The following CDH1 variants were observed in gnomAD, a reference collection of about 807,000 sequenced individuals.
CDH1 encodes the protein cadherin 1.
Under a neutral mutation model 84.5 loss-of-function variants are expected in CDH1, and 35 were observed. The ratio of observed to expected loss-of-function variants is 0.41; its 90% confidence interval spans 0.32 to 0.55. The LOEUF (loss-of-function observed/expected upper bound fraction) is 0.55. CDH1 is among the 20% of genes least tolerant of loss of function. CDH1 has a pLI of 0.19. For synonymous variants in CDH1, 417 were observed against 439.0 expected, an observed-to-expected ratio of 0.95 and a Z score of 0.63; for missense variants, 994 against 1,126.6, an observed-to-expected ratio of 0.88 and a Z score of 1.68.
At chr16:68,772,804 G>T (rs935476259) in intron 2 of CDH1, among the ~76,000 whole-genome samples, 3 of 152,018 alleles carry the variant, frequency 2.0e-5, no homozygotes, top group African/African-American at 7.2e-5. Flanking sequence ...AAATTACCTG[G>T]GGGTCCCAGC....
chr16:68,775,412 C>G (rs1392429941), intron 2 of CDH1, among the ~76,000 whole-genome samples: 1 of 152,146 alleles, frequency 6.6e-6, no homozygotes, highest in Non-Finnish European at 1.5e-5. Context: ...TACAAACTCT[C>G]ACATGCAAGT....
chr16:68,815,307 G>C (rs1960951408), intron 9 of CDH1, among the ~76,000 whole-genome samples: 1 of 152,094 alleles, frequency 6.6e-6, no homozygotes. Flanking sequence ...AATAGCCCCA[G>C]CTTTGCCTTC....
chr16:68,819,507 A>G, intron 11 of CDH1, 82 bp downstream of exon 11: 10 of 1,366,880 alleles, frequency 7.3e-6, no homozygotes, highest in Non-Finnish European at 1.0e-5. Context: ...TTTGGAGGGA[A>G]GAGTTCATTC....
rs1060501244 is a variant in CDH1, at chr16:68,828,204, G to A, written c.2195G>A (p.Arg732Gln). Residue 732 changes from arginine (R) to glutamine (Q), a missense_variant, in exon 14 of 16, where the codon CGG becomes CAG. Physicochemically the swap from Arg to Gln is conservative, Grantham distance 43. This residue lies in a region of CDH1 where 769 missense variants were observed against 881.8 expected (regional missense o/e 0.87). Coordinates refer to ENST00000261769, the MANE Select transcript of CDH1 (RefSeq NM_004360.5). ...ATTCTGCTGCTCTTGCTGTTTCTTCGGAGGAGAGCGGTGGTCAAAGAGCCC... is the reference window on the plus strand; with the variant it reads ...ATTCTGCTGCTCTTGCTGTTTCTTCAGAGGAGAGCGGTGGTCAAAGAGCCC... ...ILILLLLLFL[R>Q]RRAVVKEPLL... The A allele has an allele frequency of 1.9e-6, 3 of 1,613,930 alleles. No homozygotes were observed. Among genetic ancestry groups the A allele is most frequent in the South Asian group, 2.2e-5 (2 of 91,066 alleles).
intron 2 of CDH1, among the ~76,000 whole-genome samples, chr16:68,752,541 T>C (rs1012334876): frequency 7.4e-6 from 1 of 134,882 alleles, no homozygotes. Context: ...GTGTATTTAA[T>C]ACAGACAGGA....
At chr16:68,774,427 G>A (rs1959672995) in intron 2 of CDH1, among the ~76,000 whole-genome samples, 2 of 152,130 alleles carry the variant, frequency 1.3e-5, no homozygotes, top group African/African-American at 4.8e-5. Context: ...GGCCAAGATA[G>A]GATAATTGCT....
At chr16:68,798,115 G>A (rs1960411850) in intron 2 of CDH1, among the ~76,000 whole-genome samples, 1 of 152,046 alleles carries the variant, frequency 6.6e-6, no homozygotes, top group South Asian at 2.1e-4. Flanking sequence ...GAGATGGCCA[G>A]TAGTGGGGAG....
At chr16:68,778,817 G>T (rs1407339827) in intron 2 of CDH1, among the ~76,000 whole-genome samples, 1 of 152,060 alleles carries the variant, frequency 6.6e-6, no homozygotes, top group Non-Finnish European at 1.5e-5. Flanking sequence ...TGGTATGAAC[G>T]GCAAGCCTCT....
In CDH1 at chr16:68,786,534, C is replaced by CTTTTTTTTTTTTTTTTTTTTTTTTTT. The variant is rs3074434; in HGVS notation, c.164-15117_164-15116insTTTTTTTTTTTTTTTTTTTTTTTTTT. Among the ~76,000 whole-genome samples, 403 of 73,942 alleles carry CTTTTTTTTTTTTTTTTTTTTTTTTTT rather than the reference C, an allele frequency of 5.5e-3. 14 individuals are homozygous for CTTTTTTTTTTTTTTTTTTTTTTTTTT. The highest frequency in any genetic ancestry group is 6.1e-3 in the East Asian group (15 of 2,460). The allele number at this position is 73,942 out of a possible 152,430, so 48.5% of individuals were successfully genotyped here. A position where few individuals can be genotyped will look rare whatever the true frequency, so the allele number is the denominator to read the frequency against. On this transcript the variant is annotated intron_variant, in intron 2 of 15. Transcript: ENST00000261769. ...CTTTCTGCTTTCTTTTTTTTTTTTT[C>CTTTTTTTTTTTTTTTTTTTTTTTTTT]TTTTTTTTTTTTTTTTTTTGGTATT...
At position 68,752,575 on chromosome 16, in the gene CDH1, A is replaced by T. The variant is rs1443924693; in HGVS notation, c.163+14164A>T. Reference sequence around the variant, plus strand: ...GACTAAACAGATCTCTCTAGAGGATATTTCACTGTAGTTGTTTTTTTCTTT... The same window carrying T: ...GACTAAACAGATCTCTCTAGAGGATTTTTCACTGTAGTTGTTTTTTTCTTT... On this transcript the variant is annotated intron_variant, in intron 2 of 15. Transcript: ENST00000261769. Among the ~76,000 whole-genome samples the T allele has an allele frequency of 6.0e-5, 9 of 149,380 alleles. 1 individual carries two copies. Among genetic ancestry groups the T allele is most frequent in the Non-Finnish European group, 8.9e-5 (6 of 67,090 alleles).
intron 6 of CDH1, among the ~76,000 whole-genome samples, chr16:68,810,798 G>A (rs562566605): frequency 2.2e-4 from 33 of 151,064 alleles, no homozygotes; most frequent in African/African-American, 7.3e-4. Context: ...CCCGGGAGGC[G>A]GGGGTTGCAG....
At chr16:68,786,534 C>CTTTTGTTTTTTTTTTTTTTTTTT (rs1960052579) in intron 2 of CDH1, among the ~76,000 whole-genome samples, 1 of 73,914 alleles carries the variant, frequency 1.4e-5, no homozygotes, top group African/African-American at 5.9e-5. Flanking sequence ...TTTTTTTTTT[C>CTTTTGTTTTTTTTTTTTTTTTTT]TTTTTTTTTT....
intron 2 of CDH1, among the ~76,000 whole-genome samples, chr16:68,789,268 T>G (rs1293882261): frequency 6.6e-6 from 1 of 152,022 alleles, no homozygotes; most frequent in Non-Finnish European, 1.5e-5. Flanking sequence ...TGGACTCAAG[T>G]GATCCGCCCA....
At chr16:68,812,336 C>A (rs747809628) in intron 8 of CDH1, 73 bp downstream of exon 8, 2 of 1,496,318 alleles carry the variant, frequency 1.3e-6, no homozygotes, top group Non-Finnish European at 1.9e-6. Context: ...GTCACCACTG[C>A]TCATGGGCGA....
At chr16:68,802,932 A>G (rs1167555095) in intron 3 of CDH1, among the ~76,000 whole-genome samples, 1 of 152,190 alleles carries the variant, frequency 6.6e-6, no homozygotes, top group Non-Finnish European at 1.5e-5. Context: ...GGTCTGGCCC[A>G]TACCAGGAAC....
At chr16:68,778,104 G>A in intron 2 of CDH1, among the ~76,000 whole-genome samples, 1 of 152,122 alleles carries the variant, frequency 6.6e-6, no homozygotes, top group East Asian at 1.9e-4. Context: ...CTGGAGTGCA[G>A]TGGTGCAATC....
At chr16:68,753,948 C>G (rs1222562849) in intron 2 of CDH1, among the ~76,000 whole-genome samples, 1 of 151,112 alleles carries the variant, frequency 6.6e-6, no homozygotes, top group Admixed American at 6.6e-5. Context: ...AACCCCATCT[C>G]TACTAAAAAT....
Position 68,813,510 on chromosome 16 carries a change from T to C in CDH1, c.1320+15T>C, listed in dbSNP as rs2152133719. ...AAACAGCAAAGGTTTGTATGGTACC[T>C]GGCAAGATGCAGAAACTGGCATCCT... On this transcript the variant is annotated intron_variant, in intron 9 of 15. Coordinates refer to ENST00000261769, the MANE Select transcript of CDH1 (RefSeq NM_004360.5). 2 of 1,613,202 alleles carry C rather than the reference T, an allele frequency of 1.2e-6. No homozygotes were observed. The highest frequency in any genetic ancestry group is 1.7e-6 in the Non-Finnish European group (2 of 1,179,154).
In CDH1 at chr16:68,833,933, C is replaced by T. The variant is rs559507252; in HGVS notation, c.*434C>T. 12 of 334,316 alleles carry T rather than the reference C, an allele frequency of 3.6e-5. No homozygotes were observed. The South Asian group carries it at 4.5e-4, about 12-fold the overall frequency. 20.7% of individuals were successfully genotyped at this position (334,316 alleles called of 1,614,324 possible). ...TAAAAAAAATTTGTGTGCTTCTGCT[C>T]ATTACTACACTGGTGTGTCCCTCTG... On this transcript the variant is annotated 3_prime_UTR_variant, in exon 16 of 16. Coordinates refer to ENST00000261769, the MANE Select transcript of CDH1 (RefSeq NM_004360.5).
Sources: gnomAD v4.1 joint callset for allele counts (sites outside exome capture counted in the v4.1 genomes callset) on GRCh38, gnomAD v4.1.1 for gene constraint, gnomAD v4.1.1 regional missense constraint, MANE v1.5 for transcripts, NCBI Gene and HGNC (gene_info 2026-07-23, HGNC 2026-07-21) for gene names.